Variants in ENOX2 observed in about 807,000 individuals in gnomAD.
The protein encoded by ENOX2 is APK1 antigen.
ENOX2 carries 36 observed loss-of-function variants against 45.0 expected under a neutral mutation model. The observed-to-expected ratio is 0.80, with a 90% CI of 0.61 to 1.06. The LOEUF is 1.06. ENOX2 is among the 50% of genes least tolerant of loss of function. The pLI, the probability that ENOX2 is intolerant of heterozygous loss-of-function variation, is 0.00. For missense variants in ENOX2, 423 were observed against 462.5 expected (o/e 0.91, Z 0.78); for synonymous variants, 174 against 152.3 (o/e 1.14, Z -1.05).
intron 6 of ENOX2, among the ~76,000 whole-genome samples, chrX:130,677,269 T>A (rs2037178101): frequency 8.9e-6 from 1 of 112,088 alleles, no homozygotes; most frequent in Admixed American, 9.4e-5. Context: ...AGTGTGTGTA[T>A]CATATCAGTG....
At chrX:130,641,110 C>T (rs1382522000) in intron 10 of ENOX2, among the ~76,000 whole-genome samples, 1 of 111,124 alleles carries the variant, frequency 9.0e-6, no homozygotes, top group Non-Finnish European at 1.9e-5. Context: ...AACCATAGAT[C>T]CAGGAAGTTC....
chrX:130,828,116 T>C (rs2077753600), intron 2 of ENOX2, among the ~76,000 whole-genome samples: 1 of 111,978 alleles, frequency 8.9e-6, no homozygotes, highest in Non-Finnish European at 1.9e-5. Flanking sequence ...CCTGGTAAGA[T>C]CACAATTATT....
At chrX:130,670,701 T>C (rs958829112) in intron 6 of ENOX2, among the ~76,000 whole-genome samples, 2 of 109,157 alleles carry the variant, frequency 1.8e-5, no homozygotes, top group Non-Finnish European at 3.8e-5. Context: ...CCTAGAAGCA[T>C]TTGTCAACTG....
intron 3 of ENOX2, among the ~76,000 whole-genome samples, chrX:130,746,614 A>G (rs1433668525): frequency 9.0e-6 from 1 of 111,730 alleles, no homozygotes; most frequent in Admixed American, 9.5e-5. Context: ...TTTTCCTCCA[A>G]CAAGAATTTC....
chrX:130,837,715 T>C (rs2077951153), intron 2 of ENOX2, among the ~76,000 whole-genome samples: 1 of 111,750 alleles, frequency 8.9e-6, no homozygotes. Context: ...ACTTAATCTC[T>C]GTGTTTCAGT....
intron 3 of ENOX2, among the ~76,000 whole-genome samples, chrX:130,726,099 A>G (rs920760436): frequency 2.7e-5 from 3 of 112,283 alleles, no homozygotes. Context: ...GACGCTAGAC[A>G]AACAAAAGAA....
At chrX:130,696,087 C>T (rs764137956) in intron 4 of ENOX2, among the ~76,000 whole-genome samples, 6 of 112,008 alleles carry the variant, frequency 5.4e-5, no homozygotes, top group Non-Finnish European at 9.4e-5. Context: ...GAGACAGGGC[C>T]TGGCTCATGT....
chrX:130,648,349 A>G (rs1476224445), intron 10 of ENOX2, among the ~76,000 whole-genome samples: 1 of 109,885 alleles, frequency 9.1e-6, no homozygotes, highest in African/African-American at 3.3e-5. Flanking sequence ...GAGGCAGGAG[A>G]ATCCCTTGAA....
At chrX:130,894,320 G>A (rs2079024936) in intron 2 of ENOX2, among the ~76,000 whole-genome samples, 1 of 104,550 alleles carries the variant, frequency 9.6e-6, no homozygotes, top group South Asian at 4.3e-4. Flanking sequence ...AAACCTGCAC[G>A]TTCTGCACAG....
At chrX:130,768,577 A>G (rs890044623) in intron 3 of ENOX2, among the ~76,000 whole-genome samples, 1 of 111,772 alleles carries the variant, frequency 8.9e-6, no homozygotes, top group Non-Finnish European at 1.9e-5. Flanking sequence ...AGACTTGTAT[A>G]TGGGGATTGC....
At position 130,903,033 on chromosome X, in the gene ENOX2, T is replaced by G. The variant is rs1430465342; in HGVS notation, c.-231+16A>C. On this transcript the variant is annotated intron_variant, in intron 1 of 14. Transcript: ENST00000394363. ...AGTCCCCAGCCACGGCCACCGGGGC[T>G]TTCTGCCTCTCTGACCTCCAGCTCC... 9.0e-6 allele frequency: 1 copy of G among 111,393 alleles called. No individual in the cohort carries two copies. Among genetic ancestry groups the G allele is most frequent in the Non-Finnish European group, 1.9e-5 (1 of 53,007 alleles). 9.2% of individuals were successfully genotyped at this position (111,393 alleles called of 1,213,427 possible).
intron 2 of ENOX2, among the ~76,000 whole-genome samples, chrX:130,824,736 C>T (rs1395049195): frequency 1.8e-5 from 2 of 111,397 alleles, no homozygotes; most frequent in Non-Finnish European, 3.8e-5. Flanking sequence ...ATAGGCAATT[C>T]TCAGAAAAGG....
chrX:130,886,230 C>T (rs756165004), intron 2 of ENOX2, among the ~76,000 whole-genome samples: 58 of 112,512 alleles, frequency 5.2e-4, no homozygotes, highest in African/African-American at 1.8e-3. Context: ...TAATGAGGAG[C>T]GAAATCAACT....
At chrX:130,838,576 C>G (rs2077965184) in intron 2 of ENOX2, among the ~76,000 whole-genome samples, 1 of 111,722 alleles carries the variant, frequency 9.0e-6, no homozygotes. Context: ...AGCCCAATAT[C>G]TAACCTTTCT....
chrX:130,863,295 C>A (rs980297118), intron 2 of ENOX2, among the ~76,000 whole-genome samples: 1 of 112,184 alleles, frequency 8.9e-6, no homozygotes, highest in African/African-American at 3.2e-5. Context: ...TATTAGTTTC[C>A]TTTTTGAGCA....
At chrX:130,750,813 C>T (rs766543569) in intron 3 of ENOX2, among the ~76,000 whole-genome samples, 12 of 111,459 alleles carry the variant, frequency 1.1e-4, no homozygotes, top group Admixed American at 6.7e-4. Context: ...CTGCTCTGTG[C>T]TTCTTGCCAC....
intron 3 of ENOX2, among the ~76,000 whole-genome samples, chrX:130,730,387 G>T (rs2038708784): frequency 8.9e-6 from 1 of 112,436 alleles, no homozygotes; most frequent in Non-Finnish European, 1.9e-5. Flanking sequence ...GTTCAGAACA[G>T]AAACCAGTCC....
intron 2 of ENOX2, among the ~76,000 whole-genome samples, chrX:130,871,465 C>T (rs1569326365): frequency 9.0e-6 from 1 of 110,646 alleles, no homozygotes; most frequent in Non-Finnish European, 1.9e-5. Flanking sequence ...ATATATAACG[C>T]CCAATCAAAC....
chrX:130,817,372 T>G (rs1269748584), intron 2 of ENOX2, among the ~76,000 whole-genome samples: 1 of 112,026 alleles, frequency 8.9e-6, no homozygotes, highest in Non-Finnish European at 1.9e-5. Context: ...CTTCTGTAAC[T>G]ATTCCAAACA....
Sources: gnomAD v4.1 joint callset for allele counts (sites outside exome capture counted in the v4.1 genomes callset) on GRCh38, gnomAD v4.1.1 for gene constraint, MANE v1.5 for transcripts, NCBI Gene and HGNC (gene_info 2026-07-23, HGNC 2026-07-21) for gene names.